The following ZNF763 variants were observed in gnomAD, a reference collection of about 807,000 sequenced individuals.
The protein encoded by ZNF763 is DNA-binding protein.
ZNF763 carries 33 observed loss-of-function variants against 38.0 expected under a neutral mutation model. That is an observed-to-expected ratio of 0.87 (90% CI 0.66 to 1.16). ZNF763 has a LOEUF of 1.16. ZNF763 is among the 50% of genes most tolerant of loss of function. The pLI is 0.00. For missense variants in ZNF763, 423 were observed against 469.1 expected, an observed-to-expected ratio of 0.90 and a Z score of 0.91; for synonymous variants, 155 against 160.1, an observed-to-expected ratio of 0.97 and a Z score of 0.24.
chr19:11,974,683 A>C (rs951594219), intron 1 of ZNF763, among the ~76,000 whole-genome samples: 2 of 151,908 alleles, frequency 1.3e-5, no homozygotes, highest in Non-Finnish European at 2.9e-5. Flanking sequence ...GCTCACTGCA[A>C]CTTCCACCTC....
At chr19:11,970,051 C>A (rs950711526) in intron 1 of ZNF763, among the ~76,000 whole-genome samples, 54 of 152,140 alleles carry the variant, frequency 3.5e-4, no homozygotes, top group Non-Finnish European at 5.7e-4. Flanking sequence ...CAGCTGAATG[C>A]CTTATGGTGG....
chr19:11,968,197 A>G (rs1211455845), intron 1 of ZNF763, among the ~76,000 whole-genome samples: 3 of 152,226 alleles, frequency 2.0e-5, no homozygotes, highest in Non-Finnish European at 4.4e-5. Context: ...CAAAAGGCAA[A>G]TAAATGTAAC....
At chr19:11,975,522 C>T (rs552550822) in intron 1 of ZNF763, among the ~76,000 whole-genome samples, 70 of 152,196 alleles carry the variant, frequency 4.6e-4, no homozygotes, top group Non-Finnish European at 4.6e-4. Flanking sequence ...CTCAGCCTCC[C>T]GAGTAGCTGA....
At chr19:11,971,475 A>C (rs891739750) in intron 1 of ZNF763, among the ~76,000 whole-genome samples, 1 of 152,192 alleles carries the variant, frequency 6.6e-6, no homozygotes, top group Non-Finnish European at 1.5e-5. Flanking sequence ...ACCATATTCT[A>C]TAGAGCATCT....
At chr19:11,972,018 T>C (rs12975088) in intron 1 of ZNF763, among the ~76,000 whole-genome samples, 1 of 150,634 alleles carries the variant, frequency 6.6e-6, no homozygotes, top group African/African-American at 2.4e-5. Flanking sequence ...GCCAAGATGG[T>C]GTCATTGCAC....
intron 1 of ZNF763, among the ~76,000 whole-genome samples, chr19:11,966,009 GGAAGGAATGCT>G (rs1973221334): frequency 2.0e-5 from 3 of 152,256 alleles, no homozygotes; most frequent in South Asian, 2.1e-4. Context: ...GGAGGAGGTA[GGAAGGAATGCT>G]GAAGGAAGGG....
intron 1 of ZNF763, among the ~76,000 whole-genome samples, chr19:11,966,101 C>G (rs939531575): frequency 6.6e-5 from 10 of 152,166 alleles, no homozygotes; most frequent in African/African-American, 2.4e-4. Flanking sequence ...TTATGAATTC[C>G]AAGGCATGAC....
rs1244905979 is a variant in ZNF763, at chr19:11,965,067, C to T, written c.-142C>T. 3 of 1,060,972 alleles carry T rather than the reference C, an allele frequency of 2.8e-6. No individual in the cohort carries two copies. Among genetic ancestry groups the T allele is most frequent in the African/African-American group, 1.6e-5 (1 of 63,042 alleles). 65.7% of individuals were successfully genotyped at this position (1,060,972 alleles called of 1,614,324 possible). A position where few individuals can be genotyped will look rare whatever the true frequency, so the allele number is the denominator to read the frequency against. On this transcript the variant is annotated 5_prime_UTR_variant, in exon 1 of 4. Transcript: ENST00000358987. ...GTCCTCACCTTTGTCCTTGCGCAGC[C>T]GGTGGTTGATATCCGCTGTATCCAT...
intron 3 of ZNF763, 95 bp from the exon 4 acceptor site, chr19:11,978,021 C>A: frequency 6.8e-7 from 1 of 1,466,860 alleles, no homozygotes; most frequent in Non-Finnish European, 9.2e-7. Context: ...AGAAAGCCTA[C>A]ACCTTGATGG....
At position 11,978,265 on chromosome 19, in the gene ZNF763, T is replaced by C. The variant is rs560899827; in HGVS notation, c.341T>C (p.Val114Ala). 6.2e-7 allele frequency: 1 copy of C among 1,614,054 alleles called. No individual in the cohort carries two copies. Among genetic ancestry groups the C allele is most frequent in the East Asian group, 2.2e-5 (1 of 44,866 alleles). The change falls in exon 4 of 4, where the codon GTT becomes GCT. Residue 114 changes from valine (V) to alanine (A), a missense_variant. By Grantham distance (64) the Val-to-Ala change is moderately conservative (BLOSUM62 0). Transcript: ENST00000358987. ...TGTGATAACTTTGTATGTGGAGAAGTTGGCATAGGTAACTCATCTTTTAAT... is the reference window on the plus strand; with the variant it reads ...TGTGATAACTTTGTATGTGGAGAAGCTGGCATAGGTAACTCATCTTTTAAT... ...KSCDNFVCGE[V>A]GIGNSSFNMN...
chr19:11,968,581 G>A (rs1973287268), intron 1 of ZNF763, among the ~76,000 whole-genome samples: 1 of 152,122 alleles, frequency 6.6e-6, no homozygotes, highest in Admixed American at 6.6e-5. Flanking sequence ...TTCCCCCAGA[G>A]CTTGTTTTCT....
At chr19:11,976,656 CAGGAGGT>C (rs1157411321) in intron 1 of ZNF763, among the ~76,000 whole-genome samples, 1 of 151,524 alleles carries the variant, frequency 6.6e-6, no homozygotes, top group Non-Finnish European at 1.5e-5. Context: ...CACCTGAGAT[CAGGAGGT>C]CAAGACCAGC....
In ZNF763 at chr19:11,980,306, G is replaced by A; in HGVS notation, c.*1197G>A. 3.9e-6 allele frequency: 1 copy of A among 256,932 alleles called. No individual in the cohort carries two copies. The highest frequency in any genetic ancestry group is 7.5e-6 in the Non-Finnish European group (1 of 133,630). 15.9% of individuals were successfully genotyped at this position (256,932 alleles called of 1,614,324 possible). A position where few individuals can be genotyped will look rare whatever the true frequency, so the allele number is the denominator to read the frequency against. ...TGGCACAGGAGAATCGCTTGAATCT[G>A]GGGGGCAGAGGTTGCAGTGAGCCAA... On this transcript the variant is annotated 3_prime_UTR_variant, in exon 4 of 4. Transcript: ENST00000358987.
chr19:11,965,254 G>A (rs1284766830), intron 1 of ZNF763, 43 bp downstream of exon 1: 9 of 1,613,132 alleles, frequency 5.6e-6, no homozygotes, highest in Admixed American at 1.7e-5. Context: ...GGTAGAGGCT[G>A]CCTGGAACCG....
chr19:11,972,079 A>C (rs1349108553), intron 1 of ZNF763, among the ~76,000 whole-genome samples: 2 of 152,008 alleles, frequency 1.3e-5, no homozygotes, highest in African/African-American at 4.8e-5. Flanking sequence ...AAAAAAAAGA[A>C]AAGAAAAGAA....
At chr19:11,974,109 CTTTCTTTCTTTCTTTCT>C (rs1231365642) in intron 1 of ZNF763, among the ~76,000 whole-genome samples, 292 of 67,980 alleles carry the variant, frequency 4.3e-3, no homozygotes, top group South Asian at 0.01. Context: ...TTCTTTCTTT[CTTTCTTTCTTTCTTTCT>C]TTTCTTTCTT....
intron 1 of ZNF763, among the ~76,000 whole-genome samples, chr19:11,968,519 G>C (rs557283124): frequency 6.6e-6 from 1 of 152,320 alleles, no homozygotes; most frequent in African/African-American, 2.4e-5. Flanking sequence ...TGGGATTATA[G>C]ACATGAGCAA....
At chr19:11,975,332 C>A (rs1416556032) in intron 1 of ZNF763, among the ~76,000 whole-genome samples, 2 of 152,024 alleles carry the variant, frequency 1.3e-5, no homozygotes, top group Admixed American at 6.6e-5. Flanking sequence ...CCCACACCCC[C>A]CAAAGTTCTG....
Position 11,979,035 on chromosome 19 carries a change from A to G in ZNF763, c.1111A>G (p.Lys371Glu), listed in dbSNP as rs770610116. 14 of 1,614,050 alleles carry G rather than the reference A, an allele frequency of 8.7e-6. No homozygotes were observed. Among genetic ancestry groups the G allele is most frequent in the African/African-American group, 1.3e-5 (1 of 74,914 alleles). ...THSAKKPYEC[K>E]QCGKALSYKF... ...CTCTGCGAAAAAACCTTATGAATGTAAGCAGTGTGGGAAAGCATTATCTTA... is the reference window on the plus strand; with the variant it reads ...CTCTGCGAAAAAACCTTATGAATGTGAGCAGTGTGGGAAAGCATTATCTTA... Residue 371 changes from lysine to glutamate, a missense_variant, in exon 4 of 4, where the codon AAG (lysine) becomes GAG (glutamate). Lys to Glu is a moderately conservative substitution (Grantham distance 56). Transcript: ENST00000358987.
Sources: gnomAD v4.1 joint callset for allele counts (sites outside exome capture counted in the v4.1 genomes callset) on GRCh38, gnomAD v4.1.1 for gene constraint, MANE v1.5 for transcripts, NCBI Gene and HGNC (gene_info 2026-07-23, HGNC 2026-07-21) for gene names.